Variants in NEXMIF observed in about 807,000 individuals in gnomAD.
NEXMIF encodes XLMR protein related to neurite extension.
Under a neutral mutation model 62.1 loss-of-function variants are expected in NEXMIF, and 8 were observed. That is an observed-to-expected ratio of 0.13 (90% confidence interval 0.08 to 0.23). The LOEUF is 0.23. Ranked by LOEUF, NEXMIF falls within the 10% of genes least tolerant of loss-of-function variation. NEXMIF has a pLI of 1.00. For synonymous variants in NEXMIF, 404 were observed against 416.6 expected (o/e 0.97, Z 0.37); for missense variants, 976 against 1,113.3 (o/e 0.88, Z 1.75).
chrX:74,735,704 G>C lies in NEXMIF; in HGVS notation c.*3701C>G, dbSNP rs2080083340. ...CTGAAGAAGTGATGATCAAAGTAAT[G>C]CAGGAGGTTTGAAAACATCAGGAAA... On this transcript the variant is annotated 3_prime_UTR_variant, in exon 4 of 4. Transcript: ENST00000055682. The C allele has an allele frequency of 8.9e-6, 1 of 112,032 alleles. No individual in the cohort carries two copies. Among genetic ancestry groups the C allele is most frequent in the Non-Finnish European group, 1.9e-5 (1 of 53,166 alleles). The allele number at this position is 112,032 out of a possible 1,213,427, so 9.2% of individuals were successfully genotyped here. A position where few individuals can be genotyped will look rare whatever the true frequency, so the allele number is the denominator to read the frequency against.
At chrX:74,826,901 C>T (rs754755368) in intron 1 of NEXMIF, among the ~76,000 whole-genome samples, 3 of 111,240 alleles carry the variant, frequency 2.7e-5, no homozygotes, top group Non-Finnish European at 5.7e-5. Context: ...AGGATTAATT[C>T]CTCTTGAAAT....
At chrX:74,821,236 C>T (rs2080394559) in intron 1 of NEXMIF, among the ~76,000 whole-genome samples, 1 of 110,742 alleles carries the variant, frequency 9.0e-6, no homozygotes, top group South Asian at 3.8e-4. Context: ...TCACCCTTTT[C>T]TTTTTCTTCT....
chrX:74,794,631 C>T (rs1319205953), intron 1 of NEXMIF, among the ~76,000 whole-genome samples: 4 of 112,141 alleles, frequency 3.6e-5, no homozygotes, highest in African/African-American at 6.5e-5. Flanking sequence ...CAGCGAGACT[C>T]TGTGGGCATA....
chrX:74,823,064 A>G (rs774126292), intron 1 of NEXMIF, among the ~76,000 whole-genome samples: 1 of 112,323 alleles, frequency 8.9e-6, no homozygotes, highest in East Asian at 2.8e-4. Context: ...GAACCTTGAA[A>G]ACATTATGCC....
At position 74,749,194 on chromosome X, in the gene NEXMIF, G is replaced by A. The variant is rs139048718; in HGVS notation, c.-47-3497C>T. ...TCCAATTCTAGAATTCTAGAGAGGC[G>A]GGAGATTTGGGAAGGCTTCACTAAA... is the stretch of plus-strand genomic sequence containing the variant. On this transcript the variant is annotated intron_variant, in intron 1 of 3. Coordinates refer to ENST00000055682, the MANE Select transcript of NEXMIF (RefSeq NM_001008537.3). Among the ~76,000 whole-genome samples the A allele has an allele frequency of 4.7e-3, 518 of 110,922 alleles. 1 individual carries two copies. Among genetic ancestry groups the A allele is most frequent in the African/African-American group, 0.016 (486 of 30,545 alleles).
At chrX:74,785,657 G>T in intron 1 of NEXMIF, among the ~76,000 whole-genome samples, 1 of 112,210 alleles carries the variant, frequency 8.9e-6, no homozygotes, top group East Asian at 2.8e-4. Flanking sequence ...CAGGCATTCT[G>T]CTTAGTCTCT....
intron 1 of NEXMIF, among the ~76,000 whole-genome samples, chrX:74,884,804 C>T (rs1425718618): frequency 1.8e-5 from 2 of 111,748 alleles, no homozygotes; most frequent in African/African-American, 6.5e-5. Context: ...GCCTAATAGA[C>T]ATCTACAGAA....
intron 1 of NEXMIF, among the ~76,000 whole-genome samples, chrX:74,909,765 C>G (rs993836228): frequency 3.6e-5 from 4 of 111,751 alleles, no homozygotes; most frequent in Non-Finnish European, 7.5e-5. Context: ...CCCAAGGTCT[C>G]CATGCTGTGT....
intron 1 of NEXMIF, among the ~76,000 whole-genome samples, chrX:74,837,020 C>T (rs908040743): frequency 1.4e-4 from 16 of 111,414 alleles, no homozygotes; most frequent in Non-Finnish European, 3.8e-5. Context: ...CTGCAAATGC[C>T]CCCTCTGTGC....
chrX:74,917,221 G>A (rs1169724167), intron 1 of NEXMIF, among the ~76,000 whole-genome samples: 1 of 111,262 alleles, frequency 9.0e-6, no homozygotes, highest in African/African-American at 3.3e-5. Context: ...GATAGTGAGT[G>A]AGTTCTCATG....
chrX:74,750,421 C>T (rs770012284), intron 1 of NEXMIF, among the ~76,000 whole-genome samples: 1 of 111,915 alleles, frequency 8.9e-6, no homozygotes, highest in East Asian at 2.8e-4. Flanking sequence ...TCAGGTACAA[C>T]ATGTCTAATG....
In NEXMIF at chrX:74,922,734, T is replaced by C. The variant is rs183944439; in HGVS notation, c.-48+2149A>G. On this transcript the variant is annotated intron_variant, in intron 1 of 3. Transcript: ENST00000055682. ...GAAAACTTTAAATATATGTACAATG[T>C]ATTTTTATGTCATGGTATTTTACAC... Among the ~76,000 whole-genome samples, 327 of 111,831 alleles carry C rather than the reference T, an allele frequency of 2.9e-3. 1 individual carries two copies. The highest frequency in any genetic ancestry group is 9.7e-3 in the African/African-American group (298 of 30,799).
intron 1 of NEXMIF, among the ~76,000 whole-genome samples, chrX:74,749,721 A>T (rs1297959635): frequency 9.0e-6 from 1 of 110,779 alleles, no homozygotes; most frequent in Non-Finnish European, 1.9e-5. Flanking sequence ...AGTCTCTGTC[A>T]TTCTCTGTAT....
chrX:74,886,493 T>C (rs1299465728), intron 1 of NEXMIF, among the ~76,000 whole-genome samples: 1 of 111,616 alleles, frequency 9.0e-6, no homozygotes, highest in African/African-American at 3.3e-5. Flanking sequence ...CAAGCATTCT[T>C]ATACACCAAA....
chrX:74,887,592 A>G (rs1170405273), intron 1 of NEXMIF, among the ~76,000 whole-genome samples: 5 of 111,412 alleles, frequency 4.5e-5, no homozygotes, highest in African/African-American at 9.8e-5. Flanking sequence ...CAAAACCACA[A>G]TGAGATACCA....
chrX:74,858,577 A>G (rs184029151), intron 1 of NEXMIF, among the ~76,000 whole-genome samples: 3 of 111,361 alleles, frequency 2.7e-5, no homozygotes, highest in Admixed American at 1.9e-4. Context: ...CAGACTACGA[A>G]GATTACAATA....
At chrX:74,819,861 C>T (rs2147478660) in intron 1 of NEXMIF, among the ~76,000 whole-genome samples, 1 of 111,843 alleles carries the variant, frequency 8.9e-6, no homozygotes, top group Non-Finnish European at 1.9e-5. Flanking sequence ...GATTATAAAT[C>T]ATGCTACTAT....
intron 1 of NEXMIF, among the ~76,000 whole-genome samples, chrX:74,807,873 T>A (rs2080349656): frequency 8.9e-6 from 1 of 112,071 alleles, no homozygotes; most frequent in South Asian, 3.7e-4. Context: ...AAGCATGTAG[T>A]TTCTCACCAT....
intron 1 of NEXMIF, among the ~76,000 whole-genome samples, chrX:74,787,704 G>A (rs2080265645): frequency 8.9e-6 from 1 of 111,927 alleles, no homozygotes; most frequent in Admixed American, 9.5e-5. Flanking sequence ...ATTACAATGA[G>A]TAGATTCTGT....
Sources: gnomAD v4.1 joint callset for allele counts (sites outside exome capture counted in the v4.1 genomes callset) on GRCh38, gnomAD v4.1.1 for gene constraint, MANE v1.5 for transcripts, NCBI Gene and HGNC (gene_info 2026-07-23, HGNC 2026-07-21) for gene names.